Variants in DDX60L observed in about 807,000 individuals in gnomAD.
DDX60L encodes the protein probable ATP-dependent RNA helicase DDX60-like.
DDX60L carries 191 observed loss-of-function variants against 211.6 expected under a neutral mutation model. That is an observed-to-expected ratio of 0.90 (90% CI 0.80 to 1.02). DDX60L has a LOEUF of 1.02. Among genes scored for constraint, DDX60L ranks in the 50% least tolerant of loss-of-function variants. DDX60L has a pLI of 0.00. For synonymous variants in DDX60L, 706 were observed against 694.1 expected (o/e 1.02, Z -0.27); for missense variants, 2,007 against 1,984.1 (o/e 1.01, Z -0.22).
rs562671549 is a variant in DDX60L, at chr4:168,442,281, C to T, written c.1139-789G>A. On this transcript the variant is annotated intron_variant, in intron 9 of 37. Transcript: ENST00000682922. ...AAATCGGGTCACTCCCACCAGAATA[C>T]TGCACTTTTGCGACGGGCTTAAAAA... Among the ~76,000 whole-genome samples, 137 of 152,328 alleles carry T rather than the reference C, an allele frequency of 9.0e-4. 1 individual carries two copies. The highest frequency in any genetic ancestry group is 3.2e-3 in the African/African-American group (132 of 41,578).
At chr4:168,379,903 A>G in intron 30 of DDX60L, 73 bp from the exon 31 acceptor site, 1 of 1,036,802 alleles carries the variant, frequency 9.6e-7, no homozygotes, top group Non-Finnish European at 1.4e-6. Context: ...AATAAATAGT[A>G]CACATACATA....
intron 9 of DDX60L, among the ~76,000 whole-genome samples, chr4:168,447,213 T>C (rs1166048009): frequency 1.2e-4 from 18 of 151,652 alleles, no homozygotes; most frequent in Admixed American, 1.1e-3. Context: ...CATCAAAAAG[T>C]GGGCAAAGAA....
rs746388615 is a variant in DDX60L, at chr4:168,441,803, CGAGA to C, written c.1139-315_1139-312del. Among the ~76,000 whole-genome samples the C allele has an allele frequency of 4.7e-4, 72 of 152,094 alleles. 1 individual carries two copies. Among genetic ancestry groups the C allele is most frequent in the Non-Finnish European group, 7.1e-4 (48 of 68,010 alleles). On this transcript the variant is annotated intron_variant, in intron 9 of 37. Transcript: ENST00000682922. Reference sequence around the variant, plus strand: ...GTTCAAGACCATCTGGGCAATGTACCGAGATGCCCTCCCTGCCCAAAAAATTAAC... The same window carrying C: ...GTTCAAGACCATCTGGGCAATGTACCTGCCCTCCCTGCCCAAAAAATTAAC...
chr4:168,470,093 C>T (rs1758547808), intron 4 of DDX60L: 1 of 152,130 alleles, frequency 6.6e-6, no homozygotes, highest in African/African-American at 2.4e-5. Flanking sequence ...CATCATTAGC[C>T]ATTTGATAAA....
chr4:168,372,368 G>A (rs1741178252), intron 35 of DDX60L, among the ~76,000 whole-genome samples: 1 of 152,120 alleles, frequency 6.6e-6, no homozygotes, highest in African/African-American at 2.4e-5. Flanking sequence ...TACAGAATCA[G>A]AAGGAATCTG....
Position 168,415,790 on chromosome 4 carries a change from T to A in DDX60L, c.2736A>T (p.Gln912His). The A allele has an allele frequency of 6.4e-7, 1 of 1,558,064 alleles. No individual in the cohort carries two copies. Among genetic ancestry groups the A allele is most frequent in the South Asian group, 1.2e-5 (1 of 80,900 alleles). ...CCTGTTTCCAGTACTGTTTTACTGA[T>A]TGCAGCCACCTTACAGAATAAACAT... ...NNPNLLTKWL[Q>H]SVKQYWKQAD... The change falls in exon 21 of 38, where the codon CAA becomes CAT. Residue 912 changes from glutamine to histidine, a missense_variant. Gln to His is a conservative substitution (Grantham distance 24, BLOSUM62 0). Transcript: ENST00000682922.
intron 10 of DDX60L, 28 bp downstream of exon 10, chr4:168,441,309 G>A: frequency 6.4e-7 from 1 of 1,552,746 alleles, no homozygotes; most frequent in African/African-American, 1.4e-5. Flanking sequence ...ACATGCTTTT[G>A]TTCCACTTTA....
At chr4:168,446,216 A>G (rs1361781037) in intron 9 of DDX60L, among the ~76,000 whole-genome samples, 4 of 152,176 alleles carry the variant, frequency 2.6e-5, no homozygotes, top group Non-Finnish European at 5.9e-5. Flanking sequence ...AAAAATCACC[A>G]GCATTCTTAA....
intron 8 of DDX60L, among the ~76,000 whole-genome samples, chr4:168,451,741 G>A (rs1041909597): frequency 1.3e-5 from 2 of 152,086 alleles, no homozygotes; most frequent in Non-Finnish European, 2.9e-5. Flanking sequence ...CCTTAACAGA[G>A]CCAACAAGTA....
At chr4:168,399,192 G>A (rs924711320) in intron 26 of DDX60L, among the ~76,000 whole-genome samples, 1 of 152,220 alleles carries the variant, frequency 6.6e-6, no homozygotes, top group Non-Finnish European at 1.5e-5. Flanking sequence ...ACACAAACAG[G>A]GCTGAAACAC....
intron 27 of DDX60L, 76 bp from the exon 28 acceptor site, chr4:168,394,693 A>C: frequency 7.3e-7 from 1 of 1,369,968 alleles, no homozygotes. Context: ...ATCAAAGGAC[A>C]TTTTCACAAG....
At chr4:168,393,355 G>A (rs1579340816) in intron 28 of DDX60L, among the ~76,000 whole-genome samples, 1 of 152,042 alleles carries the variant, frequency 6.6e-6, no homozygotes, top group African/African-American at 2.4e-5. Context: ...AATTAGCTGG[G>A]TGTGGTGGTG....
At chr4:168,460,913 C>G (rs1757240725) in intron 5 of DDX60L, among the ~76,000 whole-genome samples, 1 of 152,142 alleles carries the variant, frequency 6.6e-6, no homozygotes, top group African/African-American at 2.4e-5. Context: ...CTTGCTATTA[C>G]CAGTTTATTA....
chr4:168,397,652 A>G (rs6845363), intron 26 of DDX60L, among the ~76,000 whole-genome samples: 5,130 of 152,328 alleles, frequency 0.034, 301 homozygotes, highest in African/African-American at 0.12. Flanking sequence ...CAACCCTACC[A>G]AGCCATTCAG....
At chr4:168,368,495 T>C (rs113735930) in intron 36 of DDX60L, among the ~76,000 whole-genome samples, 3,756 of 152,310 alleles carry the variant, frequency 0.025, 172 homozygotes, top group African/African-American at 0.084. Context: ...GGAGAACCTG[T>C]TCTCAGGCAG....
intron 22 of DDX60L, among the ~76,000 whole-genome samples, chr4:168,414,416 C>G (rs1749183386): frequency 6.6e-6 from 1 of 151,968 alleles, no homozygotes; most frequent in Non-Finnish European, 1.5e-5. Context: ...CTTTTCAAGA[C>G]AGACAATACA....
In DDX60L at chr4:168,472,707, GC is replaced by G; in HGVS notation, c.-9del. The G allele has an allele frequency of 6.2e-7, 1 of 1,613,320 alleles. No homozygotes were observed. The highest frequency in any genetic ancestry group is 8.5e-7 in the Non-Finnish European group (1 of 1,179,604). On this transcript the variant is annotated 5_prime_UTR_variant, in exon 2 of 38. Transcript: ENST00000682922. ...AGATTGAGAATTACCCATCGTTGCT[GC>G]TTCTTGGGCTACAGGGTAGAAGAGT...
At chr4:168,370,607 T>G (rs1373743782) in intron 36 of DDX60L, among the ~76,000 whole-genome samples, 3 of 152,114 alleles carry the variant, frequency 2.0e-5, no homozygotes, top group Non-Finnish European at 2.9e-5. Flanking sequence ...CACAAAAAAA[T>G]GATAAGTGCA....
chr4:168,478,934 T>G (rs1451876973), intron 1 of DDX60L, among the ~76,000 whole-genome samples: 1 of 152,224 alleles, frequency 6.6e-6, no homozygotes, highest in Non-Finnish European at 1.5e-5. Context: ...CAAATAAAAC[T>G]GATCAATTAT....
Sources: gnomAD v4.1 joint callset for allele counts (sites outside exome capture counted in the v4.1 genomes callset) on GRCh38, gnomAD v4.1.1 for gene constraint, MANE v1.5 for transcripts, NCBI Gene and HGNC (gene_info 2026-07-23, HGNC 2026-07-21) for gene names.